The following CFAP97D2 variants were observed in gnomAD, a reference collection of about 807,000 sequenced individuals.
CFAP97D2 encodes uncharacterized protein CFAP97D2.
intron 4 of CFAP97D2, among the ~76,000 whole-genome samples, chr13:114,218,884 G>T (rs3928774): frequency 6.6e-6 from 1 of 152,120 alleles, no homozygotes; most frequent in Non-Finnish European, 1.5e-5. Context: ...ATTCAAGATG[G>T]ATTGAAGACT....
chr13:114,206,934 A>T (rs1377895027), intron 3 of CFAP97D2, among the ~76,000 whole-genome samples: 1 of 152,172 alleles, frequency 6.6e-6, no homozygotes, highest in Non-Finnish European at 1.5e-5. Flanking sequence ...ATGTGTATGG[A>T]TGCTCCTGTA....
rs1278573957 is a variant in CFAP97D2, at chr13:114,207,709, T to C, written c.291-4203T>C. Among the ~76,000 whole-genome samples, 3 of 152,178 alleles carry C rather than the reference T, an allele frequency of 2.0e-5. No individual in the cohort carries two copies. The highest frequency in any genetic ancestry group is 4.4e-5 in the Non-Finnish European group (3 of 68,022). ...CAGGCCACAGACTGGTATGGGTCCA[T>C]GGCCCGGGGGTTGGGGACCTCTGCC... On this transcript the variant is annotated intron_variant, in intron 3 of 4. Transcript: ENST00000646158. The surrounding 1 kb of genome is among the most constrained non-coding windows in gnomAD (Gnocchi z 4.9).
At chr13:114,193,730 G>A (rs576589065) in intron 1 of CFAP97D2, among the ~76,000 whole-genome samples, 57 of 152,276 alleles carry the variant, frequency 3.7e-4, no homozygotes, top group African/African-American at 1.3e-3. Flanking sequence ...ACTATAAGCT[G>A]GTGATGTACA....
rs2080856447 is a variant in CFAP97D2, at chr13:114,187,629, G to A, written c.90+8209G>A. Among the ~76,000 whole-genome samples, 1 of 152,100 alleles carries A rather than the reference G, an allele frequency of 6.6e-6. No individual in the cohort carries two copies. The highest frequency in any genetic ancestry group is 2.4e-5 in the African/African-American group (1 of 41,414). ...ACTTGAGATACTACAAGAAAAAATA[G>A]ATGAATCCCCTTATCACAATTGGAG... On this transcript the variant is annotated intron_variant, in intron 1 of 4. Transcript: ENST00000646158. This position sits in a 1 kb window ranked among gnomAD's most constrained non-coding sequence, Gnocchi z 4.2.
At chr13:114,222,564 G>A (rs1280023555), downstream of CFAP97D2, 4 of 398,480 alleles carry the variant, frequency 1.0e-5, no homozygotes, top group Non-Finnish European at 1.8e-5. This position sits in a 1 kb window ranked among gnomAD's most constrained non-coding sequence, Gnocchi z 4.4. Context: ...GTGAGGAAGG[G>A]TAAGGATTCA....
chr13:114,220,733 G>A (rs1409775081), intron 4 of CFAP97D2, among the ~76,000 whole-genome samples: 2 of 152,228 alleles, frequency 1.3e-5, no homozygotes, highest in Non-Finnish European at 2.9e-5. Context: ...ATCTCCAGGA[G>A]CAAAATTAGC....
intron 1 of CFAP97D2, among the ~76,000 whole-genome samples, chr13:114,188,549 G>A (rs1002107608): frequency 2.6e-5 from 4 of 151,934 alleles, no homozygotes; most frequent in African/African-American, 7.3e-5. Flanking sequence ...AGGCCGAGGC[G>A]GGCGGATCAT....
rs1312095592 is a variant in CFAP97D2 at position 114,189,493 on chromosome 13, A to G, written c.91-6903A>G. ...TCCTGTATGTATTCTGTGAAGCAGC[A>G]CTACCTTATAACCAAAACCAAAGAC... On this transcript the variant is annotated intron_variant, in intron 1 of 4. Coordinates refer to ENST00000646158, the Ensembl canonical transcript of CFAP97D2. The surrounding 1 kb of genome is among the most constrained non-coding windows in gnomAD (Gnocchi z 4.5). Among the ~76,000 whole-genome samples, 1 of 152,234 alleles carries G rather than the reference A, an allele frequency of 6.6e-6. No individual in the cohort carries two copies. Among genetic ancestry groups the G allele is most frequent in the African/African-American group, 2.4e-5 (1 of 41,460 alleles).
At chr13:114,183,969 G>A (rs1211325363) in intron 1 of CFAP97D2, among the ~76,000 whole-genome samples, 1 of 152,132 alleles carries the variant, frequency 6.6e-6, no homozygotes, top group Non-Finnish European at 1.5e-5. Context: ...ACAACATAGC[G>A]AGACACCTTG....
chr13:114,198,429 A>G (rs117296604), intron 2 of CFAP97D2, among the ~76,000 whole-genome samples: 1,744 of 152,352 alleles, frequency 0.011, 96 homozygotes, highest in Admixed American at 0.08. Flanking sequence ...CTCTGGGCTC[A>G]AATATTCTCT....
chr13:114,183,368 A>G (rs1021280321), intron 1 of CFAP97D2, among the ~76,000 whole-genome samples: 1 of 151,980 alleles, frequency 6.6e-6, no homozygotes, highest in Non-Finnish European at 1.5e-5. Flanking sequence ...GGGTTTCACC[A>G]TGTTGGCCAG....
chr13:114,181,561 T>C (rs1241794822), intron 1 of CFAP97D2, among the ~76,000 whole-genome samples: 1 of 152,100 alleles, frequency 6.6e-6, no homozygotes, highest in Non-Finnish European at 1.5e-5. Context: ...AGCAGCTACA[T>C]GAGCAGGACC....
At chr13:114,214,710 C>G (rs941965490) in intron 4 of CFAP97D2, among the ~76,000 whole-genome samples, 32 of 152,278 alleles carry the variant, frequency 2.1e-4, no homozygotes, top group South Asian at 1.5e-3. Context: ...CCTCAGCCTC[C>G]TCAGTAGCTG....
chr13:114,217,446 G>A (rs149158632), intron 4 of CFAP97D2, among the ~76,000 whole-genome samples: 38 of 152,158 alleles, frequency 2.5e-4, no homozygotes, highest in African/African-American at 8.4e-4. Context: ...TACCAGAGGT[G>A]CAAGGAGGAG....
chr13:114,183,459 C>T (rs1373456717), intron 1 of CFAP97D2, among the ~76,000 whole-genome samples: 1 of 152,104 alleles, frequency 6.6e-6, no homozygotes, highest in Non-Finnish European at 1.5e-5. Flanking sequence ...TGAGCCACCA[C>T]ACCCGGCCAA....
At chr13:114,205,671 C>T (rs1170904450) in intron 3 of CFAP97D2, among the ~76,000 whole-genome samples, 8 of 152,132 alleles carry the variant, frequency 5.3e-5, no homozygotes, top group Non-Finnish European at 1.2e-4. Context: ...GAGTGACACC[C>T]CAGGCTCTTT....
chr13:114,194,703 A>G (rs1475612998), intron 1 of CFAP97D2, among the ~76,000 whole-genome samples: 2 of 143,498 alleles, frequency 1.4e-5, no homozygotes, highest in East Asian at 4.2e-4. Flanking sequence ...ACCAACTGGC[A>G]TTTTGCTGTA....
intron 4 of CFAP97D2, among the ~76,000 whole-genome samples, chr13:114,217,622 C>T (rs1189184089): frequency 6.6e-6 from 1 of 152,162 alleles, no homozygotes; most frequent in Non-Finnish European, 1.5e-5. Flanking sequence ...TGCAAAAATC[C>T]TCAATAAAAT....
chr13:114,201,286 G>A (rs1002770309), intron 3 of CFAP97D2, among the ~76,000 whole-genome samples: 4 of 152,154 alleles, frequency 2.6e-5, no homozygotes, highest in Non-Finnish European at 5.9e-5. Context: ...TAATGAAGGG[G>A]TTTTTGTTCC....
Sources: allele counts gnomAD v4.1 joint callset (sites outside exome capture counted in the v4.1 genomes callset), GRCh38; gene constraint gnomAD v4.1.1; non-coding constraint Gnocchi (gnomAD v3.1); transcripts MANE v1.5; gene names NCBI Gene and HGNC (gene_info 2026-07-23, HGNC 2026-07-21).